Variants in OXR1 observed in about 807,000 individuals in gnomAD.
OXR1 encodes the protein oxidation resistance 1.
Under a neutral mutation model 104.6 loss-of-function variants are expected in OXR1, and 41 were observed. The ratio of observed to expected loss-of-function variants is 0.39; its 90% CI spans 0.31 to 0.51. The LOEUF (loss-of-function observed/expected upper bound fraction) is 0.51, where lower values mean the gene tolerates loss of function less well. Ranked by LOEUF, OXR1 falls within the 20% of genes least tolerant of loss-of-function variation. The pLI, the probability that OXR1 is intolerant of heterozygous loss-of-function variation, is 0.77. For synonymous variants in OXR1, 348 were observed against 348.4 expected, an observed-to-expected ratio of 1.00 and a Z score of 0.01; for missense variants, 955 against 1,031.9, an observed-to-expected ratio of 0.93 and a Z score of 1.02.
intron 3 of OXR1, among the ~76,000 whole-genome samples, chr8:106,571,243 C>T (rs1817447623): frequency 6.6e-6 from 1 of 152,040 alleles, no homozygotes; most frequent in Non-Finnish European, 1.5e-5. Context: ...TATTTTCTCA[C>T]AATCTGAAGT....
chr8:106,382,962 T>C (rs1283742221), intron 2 of OXR1, among the ~76,000 whole-genome samples: 1 of 151,760 alleles, frequency 6.6e-6, no homozygotes, highest in Non-Finnish European at 1.5e-5. Flanking sequence ...TGTGCATCTA[T>C]AGTAACTTTG....
chr8:106,593,816 T>C (rs2130711974), intron 3 of OXR1, among the ~76,000 whole-genome samples: 1 of 152,256 alleles, frequency 6.6e-6, no homozygotes, highest in East Asian at 1.9e-4. Flanking sequence ...CTAAGTCCAG[T>C]TGTGGAAAGT....
At chr8:106,377,878 T>C (rs890970122) in intron 2 of OXR1, among the ~76,000 whole-genome samples, 1 of 152,222 alleles carries the variant, frequency 6.6e-6, no homozygotes, top group Admixed American at 6.5e-5. Context: ...CTTGCTTTTG[T>C]TGAAATTATG....
At chr8:106,416,666 G>A (rs1045956687) in intron 2 of OXR1, among the ~76,000 whole-genome samples, 2 of 152,044 alleles carry the variant, frequency 1.3e-5, no homozygotes, top group African/African-American at 4.8e-5. Context: ...GGTATGTTTT[G>A]TGGAGTGTTC....
intron 11 of OXR1, among the ~76,000 whole-genome samples, chr8:106,734,139 G>T (rs1007982763): frequency 6.6e-6 from 1 of 151,684 alleles, no homozygotes; most frequent in Non-Finnish European, 1.5e-5. Flanking sequence ...GTATTTTTTT[G>T]TAGAGACGAG....
chr8:106,583,867 G>A (rs1352916007), intron 3 of OXR1, among the ~76,000 whole-genome samples: 1 of 152,176 alleles, frequency 6.6e-6, no homozygotes, highest in Non-Finnish European at 1.5e-5. Flanking sequence ...GCATGCTACA[G>A]TCAAGACCAC....
intron 15 of OXR1, 95 bp downstream of exon 15, chr8:106,742,412 A>G: frequency 1.5e-6 from 1 of 687,376 alleles, no homozygotes; most frequent in Admixed American, 2.9e-5. Flanking sequence ...CCATTAAACT[A>G]CCACTGATAT....
intron 3 of OXR1, among the ~76,000 whole-genome samples, chr8:106,568,822 G>A (rs1817262254): frequency 6.6e-6 from 1 of 151,946 alleles, no homozygotes; most frequent in African/African-American, 2.4e-5. Context: ...ATAAATGTAA[G>A]ACATTAAGCA....
chr8:106,696,970 A>C (rs968708838), intron 7 of OXR1, among the ~76,000 whole-genome samples: 2 of 152,110 alleles, frequency 1.3e-5, no homozygotes, highest in African/African-American at 4.8e-5. Context: ...CTCCCTATAA[A>C]TTAAGTTCCT....
chr8:106,294,093 T>C (rs936544554), intron 1 of OXR1, among the ~76,000 whole-genome samples: 3 of 151,366 alleles, frequency 2.0e-5, no homozygotes, highest in Middle Eastern at 3.4e-3. Flanking sequence ...CAATCTTGCA[T>C]TGCAATAAAG....
chr8:106,516,622 T>C (rs559726848), intron 2 of OXR1, among the ~76,000 whole-genome samples: 1 of 152,302 alleles, frequency 6.6e-6, no homozygotes, highest in African/African-American at 2.4e-5. Flanking sequence ...TGAAAAGAGC[T>C]TCACTCTATT....
chr8:106,332,304 G>A (rs1423577118), intron 1 of OXR1, among the ~76,000 whole-genome samples: 1 of 152,014 alleles, frequency 6.6e-6, no homozygotes, highest in Admixed American at 6.5e-5. Flanking sequence ...CTTCCAGTTG[G>A]ATATCCACTA....
At chr8:106,596,960 G>A (rs570224603) in intron 3 of OXR1, among the ~76,000 whole-genome samples, 123 of 152,094 alleles carry the variant, frequency 8.1e-4, no homozygotes, top group African/African-American at 2.7e-3. Context: ...GGCTGAGGCA[G>A]GAGTATGGCT....
intron 2 of OXR1, among the ~76,000 whole-genome samples, chr8:106,443,732 C>T (rs1819890300): frequency 1.3e-5 from 2 of 152,050 alleles, no homozygotes; most frequent in Non-Finnish European, 2.9e-5. Flanking sequence ...ATTGCAACCC[C>T]TGCTTATTTC....
chr8:106,321,166 T>G (rs11780269), intron 1 of OXR1, among the ~76,000 whole-genome samples: 47,931 of 152,172 alleles, frequency 0.31, 8,854 homozygotes, highest in Non-Finnish European at 0.4. Context: ...TTAGGTAATA[T>G]GAAAAGTAAT....
At chr8:106,728,918 C>CT (rs1172510970) in intron 11 of OXR1, among the ~76,000 whole-genome samples, 1 of 152,040 alleles carries the variant, frequency 6.6e-6, no homozygotes, top group African/African-American at 2.4e-5. Context: ...TATGAACAGA[C>CT]TTTTTTTAAA....
At chr8:106,304,668 T>C (rs2130105376) in intron 1 of OXR1, among the ~76,000 whole-genome samples, 1 of 152,304 alleles carries the variant, frequency 6.6e-6, no homozygotes, top group South Asian at 2.1e-4. Context: ...TAACATTTCT[T>C]AGATTAAGTC....
At chr8:106,429,736 G>T (rs1489240387) in intron 2 of OXR1, among the ~76,000 whole-genome samples, 2 of 151,768 alleles carry the variant, frequency 1.3e-5, no homozygotes, top group Non-Finnish European at 2.9e-5. Context: ...TTTTGGAGGG[G>T]TATTAGAAAA....
intron 2 of OXR1, among the ~76,000 whole-genome samples, chr8:106,361,577 A>G (rs1816247149): frequency 6.6e-6 from 1 of 152,198 alleles, no homozygotes; most frequent in African/African-American, 2.4e-5. Context: ...TATGTCACTG[A>G]TACCTAGTTT....
Sources: gnomAD v4.1 joint callset for allele counts (sites outside exome capture counted in the v4.1 genomes callset) on GRCh38, gnomAD v4.1.1 for gene constraint, MANE v1.5 for transcripts, NCBI Gene and HGNC (gene_info 2026-07-23, HGNC 2026-07-21) for gene names.